Variants in PPARG observed in about 807,000 individuals in gnomAD.
PPARG encodes the protein peroxisome proliferator activated receptor gamma.
PPARG carries 17 observed loss-of-function variants against 39.2 expected under a neutral mutation model. That is an observed-to-expected ratio of 0.43 (90% CI 0.30 to 0.65). The LOEUF is 0.65. Among genes scored for constraint, PPARG ranks in the 30% least tolerant of loss-of-function variants. The pLI, the probability that PPARG is intolerant of heterozygous loss-of-function variation, is 0.13. For synonymous variants in PPARG, 223 were observed against 215.7 expected (o/e 1.03, Z -0.30); for missense variants, 406 against 585.9 (o/e 0.69, Z 3.17).
intron 2 of PPARG, chr3:12,372,155 G>A: frequency 1.4e-6 from 1 of 718,036 alleles, no homozygotes; most frequent in Non-Finnish European, 2.6e-6. Context: ...CTCCAATAAA[G>A]CTTTCATTTG....
chr3:12,415,957 C>A (rs1192140637), intron 6 of PPARG, among the ~76,000 whole-genome samples: 2 of 152,126 alleles, frequency 1.3e-5, no homozygotes, highest in African/African-American at 4.8e-5. Context: ...TTTTTTAAAC[C>A]TGTAGTTACT....
Position 12,298,324 on chromosome 3 carries a change from A to AAAAAAAAAAAAAAAAAAAAG in PPARG, c.-83+9193_-83+9194insAAAAAAAAAAAAAAAAGAAA, listed in dbSNP as rs764771478. Among the ~76,000 whole-genome samples, 12 of 134,722 alleles carry AAAAAAAAAAAAAAAAAAAAG rather than the reference A, an allele frequency of 8.9e-5. 2 individuals are homozygous for AAAAAAAAAAAAAAAAAAAAG. Among genetic ancestry groups the AAAAAAAAAAAAAAAAAAAAG allele is most frequent in the Admixed American group, 3.3e-4 (4 of 12,040 alleles). The allele number at this position is 134,722 out of a possible 152,430, so 88.4% of individuals were successfully genotyped here. A position where few individuals can be genotyped will look rare whatever the true frequency, so the allele number is the denominator to read the frequency against. On this transcript the variant is annotated intron_variant, in intron 1 of 7. Coordinates refer to ENST00000651735, the MANE Select transcript of PPARG (RefSeq NM_138711.6). The stretch of plus-strand genomic sequence containing the variant: ...AAAAAAAAAAAAAAAAAAAAAAAAA[A>AAAAAAAAAAAAAAAAAAAAG]AAAGAAATGTAAAATAGCAAGCGAG...
intron 1 of PPARG, among the ~76,000 whole-genome samples, chr3:12,296,292 A>C (rs1421865783): frequency 1.3e-5 from 2 of 149,128 alleles, no homozygotes; most frequent in Non-Finnish European, 3.0e-5. Context: ...ATAAAGAATT[A>C]GTCTAAGGCA....
At chr3:12,294,906 A>G (rs2046740065) in intron 1 of PPARG, among the ~76,000 whole-genome samples, 1 of 152,146 alleles carries the variant, frequency 6.6e-6, no homozygotes, top group Admixed American at 6.5e-5. Flanking sequence ...AATAATAATA[A>G]TTATTATTAT....
intron 2 of PPARG, among the ~76,000 whole-genome samples, chr3:12,317,709 C>A (rs561479344): frequency 6.6e-6 from 1 of 152,262 alleles, no homozygotes; most frequent in African/African-American, 2.4e-5. Context: ...AGAGGAATTT[C>A]TTTGTTAAAG....
intron 2 of PPARG, among the ~76,000 whole-genome samples, chr3:12,352,823 G>A (rs1469318769): frequency 6.6e-6 from 1 of 152,116 alleles, no homozygotes; most frequent in Admixed American, 6.5e-5. Flanking sequence ...TATCATCTAA[G>A]CCTCTTAACT....
intron 2 of PPARG, among the ~76,000 whole-genome samples, chr3:12,353,449 CT>C (rs1279859745): frequency 3.3e-5 from 5 of 152,104 alleles, no homozygotes; most frequent in Admixed American, 3.3e-4. Context: ...AATAAATTAG[CT>C]ATATGATCAT....
At chr3:12,380,429 T>C (rs570663521) in intron 3 of PPARG, among the ~76,000 whole-genome samples, 3 of 152,322 alleles carry the variant, frequency 2.0e-5, no homozygotes, top group Admixed American at 6.5e-5. Flanking sequence ...CATTGTAGCC[T>C]ATTGATAAAT....
At chr3:12,379,668 GACTTA>G in intron 2 of PPARG, 31 bp from the exon 3 acceptor site, 2 of 1,554,472 alleles carry the variant, frequency 1.3e-6, no homozygotes, top group Non-Finnish European at 1.8e-6. Context: ...TGTTCTCTAG[GACTTA>G]ACTTCACAGC....
intron 1 of PPARG, among the ~76,000 whole-genome samples, chr3:12,297,223 T>C (rs577699763): frequency 3.3e-5 from 5 of 152,280 alleles, no homozygotes; most frequent in African/African-American, 1.2e-4. Flanking sequence ...ATAATGACAA[T>C]TTAGAAACTA....
chr3:12,416,994 C>T lies in PPARG; in HGVS notation c.1020C>T (p.Ser340=), dbSNP rs142289300. ...TGAATAAAGATGGGGTTCTCATATCCGAGGGCCAAGGCTTCATGACAAGGG... is the reference window on the plus strand; with the variant it reads ...TGAATAAAGATGGGGTTCTCATATCTGAGGGCCAAGGCTTCATGACAAGGG... ...SLMNKDGVLI[S]EGQGFMTREF... The change falls in exon 7 of 8, where the codon TCC becomes TCT. Residue 340 remains serine, a synonymous_variant. Transcript: ENST00000651735. 18 of 1,613,838 alleles carry T rather than the reference C, an allele frequency of 1.1e-5. No individual in the cohort carries two copies. The highest frequency in any genetic ancestry group is 6.7e-5 in the African/African-American group (5 of 74,872).
At position 12,412,827 on chromosome 3, in the gene PPARG, C is replaced by A. The variant is rs572689641; in HGVS notation, c.730-3877C>A. 2.0e-5 allele frequency among the ~76,000 whole-genome samples: 3 copies of A among 152,314 alleles called. No homozygotes were observed. The South Asian group carries it at 6.2e-4, about 32-fold the overall frequency. Reference sequence around the variant, plus strand: ...ATGCCCCACAAAACCTGAATTCACCCCATCATGTCCCATTTGTAATTAAGC... The same window carrying A: ...ATGCCCCACAAAACCTGAATTCACCACATCATGTCCCATTTGTAATTAAGC... On this transcript the variant is annotated intron_variant, in intron 6 of 7. Transcript: ENST00000651735.
rs548133371 is a variant in PPARG, at chr3:12,342,693, G to C, written c.-9+30240G>C. On this transcript the variant is annotated intron_variant, in intron 2 of 7. Coordinates refer to ENST00000651735, the MANE Select transcript of PPARG (RefSeq NM_138711.6). ...GCATAAACTTTAAGAGTTCAACATT[G>C]GTTATATCTGGTAGTGGAAGTATAA... 2.6e-5 allele frequency among the ~76,000 whole-genome samples: 4 copies of C among 151,970 alleles called. No homozygotes were observed. In the South Asian group the frequency reaches 6.2e-4, roughly 24 times the overall value.
In PPARG at chr3:12,392,766, C is replaced by CCT. The variant is rs780618611; in HGVS notation, c.529+14_529+15insCT. 2.5e-6 allele frequency: 4 copies of CCT among 1,613,406 alleles called. No homozygotes were observed. Among genetic ancestry groups the CCT allele is most frequent in the Non-Finnish European group, 2.5e-6 (3 of 1,179,526 alleles). ...TGTCTCATAATGGTAAGTAAACAGTCATCACCATATACTTTATTATTCTCA... is the reference window on the plus strand; with the variant it reads ...TGTCTCATAATGGTAAGTAAACAGTCCTATCACCATATACTTTATTATTCTCA... On this transcript the variant is annotated intron_variant, in intron 5 of 7. Coordinates refer to ENST00000651735, the MANE Select transcript of PPARG (RefSeq NM_138711.6).
At chr3:12,377,317 G>T (rs769458492) in intron 2 of PPARG, among the ~76,000 whole-genome samples, 5 of 151,868 alleles carry the variant, frequency 3.3e-5, no homozygotes, top group Middle Eastern at 3.4e-3. Context: ...TTTGTTTTGG[G>T]GATGGTTTAA....
intron 2 of PPARG, among the ~76,000 whole-genome samples, chr3:12,357,186 AC>A (rs1242289486): frequency 1.3e-5 from 2 of 151,766 alleles, no homozygotes; most frequent in Non-Finnish European, 2.9e-5. Context: ...CCGTCACTCC[AC>A]CCATAGCCCT....
intron 4 of PPARG, among the ~76,000 whole-genome samples, chr3:12,382,785 C>A (rs551413259): frequency 6.6e-6 from 1 of 152,176 alleles, no homozygotes; most frequent in South Asian, 2.1e-4. Context: ...GTCTGGGCAG[C>A]ATAGTGAGAC....
intron 1 of PPARG, among the ~76,000 whole-genome samples, chr3:12,293,708 G>T (rs141007897): frequency 6.6e-6 from 1 of 152,262 alleles, no homozygotes; most frequent in African/African-American, 2.4e-5. Context: ...ATTCTTTCTG[G>T]CTCTATACTA....
intron 3 of PPARG, 144 bp downstream of exon 3, chr3:12,380,075 G>A: frequency 1.2e-6 from 1 of 842,428 alleles, no homozygotes; most frequent in Admixed American, 2.1e-5. Flanking sequence ...ATTTATCCAT[G>A]AAATATTAGG....
Sources: allele counts gnomAD v4.1 joint callset (sites outside exome capture counted in the v4.1 genomes callset), GRCh38; gene constraint gnomAD v4.1.1; transcripts MANE v1.5; gene names NCBI Gene and HGNC (gene_info 2026-07-23, HGNC 2026-07-21).